DNAJB6: variants seen among roughly 807,000 people sequenced by gnomAD.
DNAJB6 encodes DnaJ heat shock protein family (Hsp40) member B6.
DNAJB6 carries 16 observed loss-of-function variants against 42.7 expected under a neutral mutation model. That is an observed-to-expected ratio of 0.37 (90% CI 0.25 to 0.57). The LOEUF (loss-of-function observed/expected upper bound fraction) is 0.57. Ranked by LOEUF, DNAJB6 falls within the 20% of genes least tolerant of loss-of-function variation. The pLI is 0.74. For synonymous variants in DNAJB6, 170 were observed against 163.5 expected, an observed-to-expected ratio of 1.04 and a Z score of -0.30; for missense variants, 347 against 416.8, an observed-to-expected ratio of 0.83 and a Z score of 1.46.
intron 5 of DNAJB6, among the ~76,000 whole-genome samples, chr7:157,375,333 GACGC>G (rs1354769189): frequency 2.0e-5 from 3 of 152,192 alleles, no homozygotes; most frequent in African/African-American, 7.2e-5. Flanking sequence ...CATTCCTCCT[GACGC>G]CAGAGTTCCT....
chr7:157,345,435 C>T (rs1404900785), intron 1 of DNAJB6, among the ~76,000 whole-genome samples: 2 of 152,110 alleles, frequency 1.3e-5, no homozygotes, highest in Non-Finnish European at 2.9e-5. Context: ...CCATTTCAGC[C>T]TCCTGCATAG....
At chr7:157,337,663 G>A (rs958358985) in intron 1 of DNAJB6, 11 of 152,262 alleles carry the variant, frequency 7.2e-5, no homozygotes, top group African/African-American at 2.2e-4. Context: ...CTAGAACTCC[G>A]GACGGATTGT....
chr7:157,402,780 C>A (rs187458951), intron 8 of DNAJB6, among the ~76,000 whole-genome samples: 1 of 152,186 alleles, frequency 6.6e-6, no homozygotes, highest in Admixed American at 6.5e-5. Flanking sequence ...CTCTTTGGCC[C>A]CTGCACTTTT....
intron 1 of DNAJB6, among the ~76,000 whole-genome samples, chr7:157,341,476 G>C (rs2116848339): frequency 6.6e-6 from 1 of 152,286 alleles, no homozygotes; most frequent in East Asian, 1.9e-4. Flanking sequence ...TTGGAAGGGT[G>C]ATTTAGTTTA....
intron 3 of DNAJB6, among the ~76,000 whole-genome samples, 198 bp downstream of exon 3, chr7:157,363,468 G>A (rs888248496): frequency 1.3e-5 from 2 of 152,160 alleles, no homozygotes; most frequent in Admixed American, 1.3e-4. Flanking sequence ...GAGTGCTGGG[G>A]AGCTCCAGGG....
chr7:157,405,826 A>AGCCGGTCTGTCCATCCTGCC (rs1465250024), intron 8 of DNAJB6, among the ~76,000 whole-genome samples: 1 of 152,238 alleles, frequency 6.6e-6, no homozygotes, highest in East Asian at 1.9e-4. Flanking sequence ...GTTCTCCTGC[A>AGCCGGTCTGTCCATCCTGCC]GCCGGTCTGT....
At chr7:157,395,826 T>C (rs1801558314) in intron 8 of DNAJB6, among the ~76,000 whole-genome samples, 1 of 151,826 alleles carries the variant, frequency 6.6e-6, no homozygotes, top group South Asian at 2.1e-4. Flanking sequence ...CTAATTCTTT[T>C]TATATTTTCA....
intron 3 of DNAJB6, among the ~76,000 whole-genome samples, chr7:157,365,449 G>A (rs1231448731): frequency 2.0e-5 from 3 of 152,216 alleles, no homozygotes; most frequent in Non-Finnish European, 2.9e-5. Context: ...AGGGTGTTAG[G>A]TTGGCGCCTT....
chr7:157,346,913 TGGTGCGATCTC>T (rs1798718023), intron 1 of DNAJB6, among the ~76,000 whole-genome samples: 2 of 152,178 alleles, frequency 1.3e-5, no homozygotes, highest in South Asian at 2.1e-4. Flanking sequence ...TGCAGTGCAG[TGGTGCGATCTC>T]GGCGCACTGC....
In DNAJB6 at chr7:157,416,286, C is replaced by A; in HGVS notation, c.*188C>A. On this transcript the variant is annotated 3_prime_UTR_variant, in exon 10 of 10. Coordinates refer to ENST00000262177, the MANE Select transcript of DNAJB6 (RefSeq NM_058246.4). Reference sequence around the variant, plus strand: ...GAGACGGGGCTGACGGCACGGGTGGCGGGGACAGACGTTTGGGACTTGGCC... The same window carrying A: ...GAGACGGGGCTGACGGCACGGGTGGAGGGGACAGACGTTTGGGACTTGGCC... 2.4e-6 allele frequency: 2 copies of A among 821,232 alleles called. No homozygotes were observed. The highest frequency in any genetic ancestry group is 1.9e-5 in the South Asian group (1 of 52,584). The allele number at this position is 821,232 out of a possible 1,614,324, so 50.9% of individuals were successfully genotyped here. A position where few individuals can be genotyped will look rare whatever the true frequency, so the allele number is the denominator to read the frequency against.
At chr7:157,400,858 C>T (rs898046812) in intron 8 of DNAJB6, among the ~76,000 whole-genome samples, 2 of 152,230 alleles carry the variant, frequency 1.3e-5, no homozygotes, top group African/African-American at 4.8e-5. Flanking sequence ...GTGTGGAAGG[C>T]AGGTGTGCTG....
intron 8 of DNAJB6, among the ~76,000 whole-genome samples, chr7:157,398,112 G>A (rs1801684700): frequency 6.6e-6 from 1 of 152,232 alleles, no homozygotes; most frequent in Admixed American, 6.5e-5. Context: ...GCCATTCCAG[G>A]GCTGTTCGAT....
intron 1 of DNAJB6, among the ~76,000 whole-genome samples, chr7:157,349,981 G>T (rs1259250077): frequency 6.6e-6 from 1 of 152,142 alleles, no homozygotes; most frequent in African/African-American, 2.4e-5. Context: ...TAGATTCAGA[G>T]TCTCCCTTTG....
intron 3 of DNAJB6, 22 bp from the exon 4 acceptor site, chr7:157,366,480 C>A (rs772004790): frequency 6.2e-7 from 1 of 1,612,472 alleles, no homozygotes; most frequent in Admixed American, 1.7e-5. Context: ...TTGGCCTTAC[C>A]GACTTTTCTT....
chr7:157,370,792 T>G (rs1439692266), intron 5 of DNAJB6: 4 of 152,640 alleles, frequency 2.6e-5, no homozygotes, highest in Admixed American at 2.6e-4. Context: ...ATTTTCAGGC[T>G]CTCAGGATTT....
chr7:157,341,766 T>G (rs1197272910), intron 1 of DNAJB6, among the ~76,000 whole-genome samples: 1 of 152,236 alleles, frequency 6.6e-6, no homozygotes, highest in Non-Finnish European at 1.5e-5. Context: ...CTTTCTAGTT[T>G]GTGTATGTCC....
intron 8 of DNAJB6, among the ~76,000 whole-genome samples, chr7:157,407,115 C>G: frequency 6.6e-6 from 1 of 152,348 alleles, no homozygotes; most frequent in African/African-American, 2.4e-5. Flanking sequence ...GGGTCCCAAC[C>G]GCAGCTGAGC....
At chr7:157,356,472 T>C (rs548389169) in intron 1 of DNAJB6, among the ~76,000 whole-genome samples, 2 of 152,312 alleles carry the variant, frequency 1.3e-5, no homozygotes, top group Admixed American at 6.5e-5. Context: ...TGGTCGGACC[T>C]GTGTGGCTTG....
chr7:157,337,357 C>CTGGGGT (rs1798094219), intron 1 of DNAJB6, among the ~76,000 whole-genome samples: 2 of 150,676 alleles, frequency 1.3e-5, no homozygotes, highest in South Asian at 4.2e-4. Flanking sequence ...GGGGCCGGGG[C>CTGGGGT]TGGGGTCTGG....
Sources: gnomAD v4.1 joint callset for allele counts (sites outside exome capture counted in the v4.1 genomes callset) on GRCh38, gnomAD v4.1.1 for gene constraint, MANE v1.5 for transcripts, NCBI Gene and HGNC (gene_info 2026-07-23, HGNC 2026-07-21) for gene names.